The following SERGEF variants were observed in gnomAD, a reference collection of about 807,000 sequenced individuals.
The protein encoded by SERGEF is secretion-regulating guanine nucleotide exchange factor.
Under a neutral mutation model 50.0 loss-of-function variants are expected in SERGEF, and 51 were observed. That is an observed-to-expected ratio of 1.02 (90% CI 0.81 to 1.29). The LOEUF is 1.29. Ranked by LOEUF, SERGEF falls within the 50% of genes most tolerant of loss-of-function variation. SERGEF has a pLI of 0.00. For missense variants in SERGEF, 521 were observed against 557.0 expected, an observed-to-expected ratio of 0.94 and a Z score of 0.65; for synonymous variants, 205 against 212.4, an observed-to-expected ratio of 0.97 and a Z score of 0.30.
chr11:17,817,308 G>C (rs183723938), intron 10 of SERGEF, among the ~76,000 whole-genome samples: 1 of 151,126 alleles, frequency 6.6e-6, no homozygotes, highest in Admixed American at 6.6e-5. Context: ...TCCGCCTCCC[G>C]GGTTCATGCC....
chr11:17,875,626 C>A (rs111704092), intron 10 of SERGEF, among the ~76,000 whole-genome samples: 1 of 152,192 alleles, frequency 6.6e-6, no homozygotes, highest in South Asian at 2.1e-4. Flanking sequence ...GAGTCTGTTT[C>A]GTCTCTACAA....
rs4757598 is a variant in SERGEF at position 17,884,158 on chromosome 11, G to C, written c.1012-5914C>G. ...CGAGGCCTGCTGATTGGTTCTCGCC[G>C]GGTGCCAATGAGCCCGGGCGCCTTC... On this transcript the variant is annotated intron_variant, in intron 9 of 10. Coordinates refer to ENST00000265965, the MANE Select transcript of SERGEF (RefSeq NM_012139.4). This position sits in a 1 kb window ranked among gnomAD's most constrained non-coding sequence, Gnocchi z 4.6. 6.6e-6 allele frequency among the ~76,000 whole-genome samples: 1 copy of C among 152,108 alleles called. No individual in the cohort carries two copies. The highest frequency in any genetic ancestry group is 1.9e-4 in the East Asian group (1 of 5,180).
intron 10 of SERGEF, among the ~76,000 whole-genome samples, chr11:17,864,508 TA>T (rs771041728): frequency 2.6e-4 from 39 of 151,972 alleles, no homozygotes; most frequent in African/African-American, 8.9e-4. Context: ...CAAGATTCTG[TA>T]AAAAAAACAC....
At chr11:17,903,703 GGA>G (rs1851788662) in intron 9 of SERGEF, among the ~76,000 whole-genome samples, 1 of 152,118 alleles carries the variant, frequency 6.6e-6, no homozygotes, top group Non-Finnish European at 1.5e-5. Context: ...TAAAACACGG[GGA>G]GAGATATAAA....
intron 10 of SERGEF, among the ~76,000 whole-genome samples, chr11:17,817,213 A>ATT (rs36024602): frequency 3.6e-4 from 49 of 135,166 alleles, no homozygotes; most frequent in African/African-American, 1.3e-3. Flanking sequence ...CTTTCCATGT[A>ATT]TTTTTTTTTT....
intron 8 of SERGEF, among the ~76,000 whole-genome samples, chr11:17,965,389 C>T (rs983614322): frequency 1.2e-4 from 19 of 152,162 alleles, no homozygotes; most frequent in African/African-American, 4.1e-4. Flanking sequence ...CATTTCTTCA[C>T]AGCAGCGTGA....
At position 17,825,569 on chromosome 11, in the gene SERGEF, C is replaced by T. The variant is rs543931728; in HGVS notation, c.1049-37156G>A. Reference sequence around the variant, plus strand: ...GGAAAGTACCATTTTCTGATCAAATCCTAGTCAACGTTCCTCTAAATTCTA... The same window carrying T: ...GGAAAGTACCATTTTCTGATCAAATTCTAGTCAACGTTCCTCTAAATTCTA... On this transcript the variant is annotated intron_variant, in intron 10 of 10. Transcript: ENST00000265965. 9.2e-5 allele frequency among the ~76,000 whole-genome samples: 14 copies of T among 152,282 alleles called. No individual in the cohort carries two copies. In the South Asian group the frequency reaches 2.9e-3, roughly 32 times the overall value.
chr11:18,012,906 G>C (rs930878304), intron 1 of SERGEF, 45 bp downstream of exon 1: 7 of 1,536,120 alleles, frequency 4.6e-6, no homozygotes, highest in South Asian at 1.2e-5. Flanking sequence ...CCCACATCTC[G>C]GCGCCCCTCA....
intron 10 of SERGEF, among the ~76,000 whole-genome samples, chr11:17,866,291 G>T (rs1036469088): frequency 1.6e-4 from 25 of 152,192 alleles, no homozygotes; most frequent in African/African-American, 5.5e-4. Flanking sequence ...GGCAGCCAAA[G>T]AACTCCATAA....
chr11:17,935,812 TTAG>T (rs1227019536), intron 9 of SERGEF, among the ~76,000 whole-genome samples: 6 of 152,046 alleles, frequency 3.9e-5, no homozygotes, highest in Non-Finnish European at 5.9e-5. Flanking sequence ...TACTTACAGT[TTAG>T]TAAAGGAAGA....
At chr11:17,788,540 C>T in intron 10 of SERGEF, 127 bp from the exon 11 acceptor site, 1 of 737,806 alleles carries the variant, frequency 1.4e-6, no homozygotes, top group Non-Finnish European at 2.1e-6. Flanking sequence ...CTTAAGGACA[C>T]ATGGCGGCAT....
chr11:17,909,236 T>C (rs1490946403), intron 9 of SERGEF, among the ~76,000 whole-genome samples: 1 of 152,236 alleles, frequency 6.6e-6, no homozygotes, highest in African/African-American at 2.4e-5. Context: ...TGATACCTAT[T>C]TCACAGAACT....
rs748823498 is a variant in SERGEF at position 17,991,639 on chromosome 11, G to C, written c.685+1292C>G. On this transcript the variant is annotated intron_variant, in intron 7 of 10. Transcript: ENST00000265965. This position sits in a 1 kb window ranked among gnomAD's most constrained non-coding sequence, Gnocchi z 4.9. ...ATATTAATATATAAATCTACCTAAT[G>C]TGAGACACAAGTTAAAAGTAGGTGC... 1.3e-5 allele frequency among the ~76,000 whole-genome samples: 2 copies of C among 152,188 alleles called. No homozygotes were observed. Among genetic ancestry groups the C allele is most frequent in the Non-Finnish European group, 2.9e-5 (2 of 68,044 alleles).
At chr11:17,850,174 T>C (rs750085921) in intron 10 of SERGEF, among the ~76,000 whole-genome samples, 4 of 152,104 alleles carry the variant, frequency 2.6e-5, no homozygotes, top group African/African-American at 4.8e-5. Flanking sequence ...AATAATGACA[T>C]AAATCCATTC....
chr11:17,859,579 A>G (rs958221818), intron 10 of SERGEF, among the ~76,000 whole-genome samples: 7 of 152,204 alleles, frequency 4.6e-5, no homozygotes, highest in African/African-American at 1.4e-4. Flanking sequence ...CTGGACTGAG[A>G]AGGCTCAATA....
intron 10 of SERGEF, chr11:17,846,591 C>T: frequency 2.4e-6 from 1 of 422,652 alleles, no homozygotes; most frequent in Non-Finnish European, 4.8e-6. Flanking sequence ...TCACCTCCAG[C>T]ATGGTTTGAT....
At chr11:17,847,985 T>C (rs1328449398) in intron 10 of SERGEF, among the ~76,000 whole-genome samples, 4 of 152,198 alleles carry the variant, frequency 2.6e-5, no homozygotes, top group African/African-American at 4.8e-5. Flanking sequence ...TTTTCTTCCA[T>C]TATAAGCACA....
chr11:17,942,273 T>C (rs1033585833), intron 9 of SERGEF, among the ~76,000 whole-genome samples: 65 of 152,200 alleles, frequency 4.3e-4, no homozygotes, highest in African/African-American at 1.5e-3. Flanking sequence ...TAATTGGGTC[T>C]TTAACTTCTC....
intron 9 of SERGEF, among the ~76,000 whole-genome samples, chr11:17,940,295 T>G (rs896189403): frequency 6.6e-6 from 1 of 152,136 alleles, no homozygotes; most frequent in Admixed American, 6.5e-5. Flanking sequence ...CAAGGCCATC[T>G]GGGATAGAGG....
Sources: allele counts gnomAD v4.1 joint callset (sites outside exome capture counted in the v4.1 genomes callset), GRCh38; gene constraint gnomAD v4.1.1; non-coding constraint Gnocchi (gnomAD v3.1); transcripts MANE v1.5; gene names NCBI Gene and HGNC (gene_info 2026-07-23, HGNC 2026-07-21).